CDH19: variants seen among roughly 807,000 people sequenced by gnomAD.
The protein encoded by CDH19 is cadherin 19, also known as cadherin-19.
CDH19 carries 67 observed loss-of-function variants against 64.2 expected under a neutral mutation model. The observed-to-expected ratio is 1.04, with a 90% confidence interval of 0.86 to 1.28. CDH19 has a LOEUF of 1.28. CDH19 is among the 50% of genes most tolerant of loss of function. The pLI is 0.00. For synonymous variants in CDH19, 346 were observed against 319.3 expected (o/e 1.08, Z -0.89); for missense variants, 1,030 against 929.0 (o/e 1.11, Z -1.41).
intron 11 of CDH19, 28 bp downstream of exon 11, chr18:66,508,967 G>A (rs756844149): frequency 1.9e-6 from 3 of 1,592,724 alleles, no homozygotes; most frequent in Middle Eastern, 1.7e-4. Context: ...TAATGCAAAT[G>A]AGAATAGCAA....
At chr18:66,578,816 T>C (rs1338221276) in intron 1 of CDH19, among the ~76,000 whole-genome samples, 3 of 152,076 alleles carry the variant, frequency 2.0e-5, no homozygotes, top group East Asian at 1.9e-4. Flanking sequence ...TGATACTCAG[T>C]AGTGAAAAGA....
At chr18:66,524,072 T>C (rs1286509135) in intron 9 of CDH19, among the ~76,000 whole-genome samples, 1 of 152,158 alleles carries the variant, frequency 6.6e-6, no homozygotes, top group Admixed American at 6.5e-5. Context: ...GACTAACATG[T>C]TGTCTAAAGT....
chr18:66,587,736 G>T (rs1034596872), intron 1 of CDH19, among the ~76,000 whole-genome samples: 1 of 152,104 alleles, frequency 6.6e-6, no homozygotes, highest in African/African-American at 2.4e-5. Context: ...GCGTCACTGA[G>T]TGACTGTGAA....
intron 8 of CDH19, 77 bp downstream of exon 8, chr18:66,534,909 T>G: frequency 5.2e-6 from 5 of 954,954 alleles, no homozygotes; most frequent in Non-Finnish European, 7.4e-6. Context: ...AAAGTAGCCT[T>G]GTCCCCATGT....
At chr18:66,517,214 G>T (rs1377392071) in intron 9 of CDH19, among the ~76,000 whole-genome samples, 2 of 151,990 alleles carry the variant, frequency 1.3e-5, no homozygotes, top group Non-Finnish European at 2.9e-5. Flanking sequence ...ACACAAAAGT[G>T]AAAGGAAGAG....
At chr18:66,564,096 T>C (rs959487153) in intron 3 of CDH19, among the ~76,000 whole-genome samples, 2 of 151,814 alleles carry the variant, frequency 1.3e-5, no homozygotes, top group African/African-American at 2.4e-5. Context: ...TTTTCCTGAG[T>C]ATTAACTGAA....
intron 1 of CDH19, among the ~76,000 whole-genome samples, chr18:66,585,023 A>G (rs757008426): frequency 1.3e-5 from 2 of 152,018 alleles, no homozygotes; most frequent in African/African-American, 4.8e-5. Context: ...ATTCACTGGG[A>G]GGAGGTACAT....
Position 66,537,441 on chromosome 18 carries a change from T to G in CDH19, c.1215-2334A>C, listed in dbSNP as rs78365739. Among the ~76,000 whole-genome samples, 267 of 152,132 alleles carry G rather than the reference T, an allele frequency of 1.8e-3. 1 individual carries two copies. The highest frequency in any genetic ancestry group is 5.9e-3 in the African/African-American group (245 of 41,572). On this transcript the variant is annotated intron_variant, in intron 7 of 11. Coordinates refer to ENST00000262150, the MANE Select transcript of CDH19 (RefSeq NM_021153.4). ...AGGCTATCATATCAGGGGAACATGATGTTCATCATATCTCATGAATGGTGA... is the reference window on the plus strand; with the variant it reads ...AGGCTATCATATCAGGGGAACATGAGGTTCATCATATCTCATGAATGGTGA...
At chr18:66,509,364 G>A (rs1429893513) in intron 10 of CDH19, 118 bp from the exon 11 acceptor site, 6 of 824,692 alleles carry the variant, frequency 7.3e-6, no homozygotes, top group African/African-American at 5.2e-5. Flanking sequence ...TCAAATAAAA[G>A]GAAGACGAAA....
chr18:66,509,555 TAATTA>T (rs1985370734), intron 10 of CDH19, among the ~76,000 whole-genome samples: 1 of 151,792 alleles, frequency 6.6e-6, no homozygotes, highest in South Asian at 2.1e-4. Context: ...ATTATTGAAT[TAATTA>T]AATTGGTTCC....
At chr18:66,530,475 T>A (rs1241535998) in intron 8 of CDH19, among the ~76,000 whole-genome samples, 1 of 152,000 alleles carries the variant, frequency 6.6e-6, no homozygotes, top group East Asian at 1.9e-4. Context: ...AGGGCGTAGC[T>A]TTTAAAAACA....
chr18:66,526,626 C>T (rs1986230491), intron 9 of CDH19, among the ~76,000 whole-genome samples: 2 of 152,004 alleles, frequency 1.3e-5, no homozygotes, highest in Non-Finnish European at 2.9e-5. Context: ...AACTTAGTAA[C>T]ATGGTGGTTT....
chr18:66,597,621 G>C (rs1158286030), intron 1 of CDH19, among the ~76,000 whole-genome samples: 2 of 152,108 alleles, frequency 1.3e-5, no homozygotes, highest in East Asian at 3.9e-4. Flanking sequence ...AAACTAAAGA[G>C]CTTCTGCACA....
intron 1 of CDH19, among the ~76,000 whole-genome samples, chr18:66,574,885 G>A (rs1009924127): frequency 5.3e-5 from 8 of 151,750 alleles, no homozygotes; most frequent in Admixed American, 2.6e-4. Context: ...CATTTTTAAA[G>A]TATTGAAAAT....
chr18:66,529,686 A>G (rs554514953), intron 9 of CDH19, among the ~76,000 whole-genome samples, 159 bp downstream of exon 9: 1 of 147,902 alleles, frequency 6.8e-6, no homozygotes, highest in Admixed American at 6.8e-5. Flanking sequence ...ATTGAATATA[A>G]TATAATATAG....
At chr18:66,591,063 A>T (rs1429329505) in intron 1 of CDH19, among the ~76,000 whole-genome samples, 1 of 151,854 alleles carries the variant, frequency 6.6e-6, no homozygotes, top group Non-Finnish European at 1.5e-5. Flanking sequence ...AATGATTTGT[A>T]CCTCCATGAT....
chr18:66,535,623 A>G (rs1226025416), intron 7 of CDH19, among the ~76,000 whole-genome samples: 1 of 147,072 alleles, frequency 6.8e-6, no homozygotes, highest in Non-Finnish European at 1.5e-5. Flanking sequence ...ATTTATATAT[A>G]TATATATATA....
intron 1 of CDH19, among the ~76,000 whole-genome samples, chr18:66,594,476 C>T (rs1430283629): frequency 6.6e-6 from 1 of 152,028 alleles, no homozygotes; most frequent in Non-Finnish European, 1.5e-5. Context: ...TTCTTATGTA[C>T]GTATGGCACA....
chr18:66,505,281 C>A lies in CDH19; in HGVS notation c.1850G>T (p.Gly617Val). 1 of 1,562,920 alleles carries A rather than the reference C, an allele frequency of 6.4e-7. No homozygotes were observed. The highest frequency in any genetic ancestry group is 8.6e-7 in the Non-Finnish European group (1 of 1,160,882). Residue 617 changes from glycine to valine, a missense_variant, in exon 12 of 12, where the codon GGT becomes GTT. Gly to Val is a moderately radical substitution (Grantham distance 109). Transcript: ENST00000262150. Reference protein sequence around the residue: ...IIFGFIFLTLGLKQRRKQILF... With the variant: ...IIFGFIFLTLVLKQRRKQILF... ...AATCTGTTTTCTCCGTTGTTTTAAA[C>A]CCAAAGTCAAAAAAATAAACCCTGA...
Sources: allele counts gnomAD v4.1 joint callset (sites outside exome capture counted in the v4.1 genomes callset), GRCh38; gene constraint gnomAD v4.1.1; transcripts MANE v1.5; gene names NCBI Gene and HGNC (gene_info 2026-07-23, HGNC 2026-07-21).